Variants in DLG2 observed in about 807,000 individuals in gnomAD.
DLG2 encodes disks large homolog 2.
In DLG2, 45 loss-of-function variants were observed where a neutral mutation model predicts 132.5. The ratio of observed to expected loss-of-function variants is 0.34; its 90% CI spans 0.27 to 0.44. The LOEUF (loss-of-function observed/expected upper bound fraction) is 0.44, where lower values mean the gene tolerates loss of function less well. DLG2 is among the 20% of genes least tolerant of loss of function. DLG2 has a pLI of 1.00. For synonymous variants in DLG2, 424 were observed against 419.6 expected (o/e 1.01, Z -0.13); for missense variants, 1,045 against 1,196.9 (o/e 0.87, Z 1.87).
At chr11:83,827,051 GT>G (rs955411430) in intron 17 of DLG2, among the ~76,000 whole-genome samples, 2 of 152,034 alleles carry the variant, frequency 1.3e-5, no homozygotes, top group Admixed American at 6.5e-5. Flanking sequence ...GGAAAGCAAG[GT>G]TCCTTCATGG....
intron 18 of DLG2, among the ~76,000 whole-genome samples, chr11:83,734,575 C>T (rs1281497686): frequency 5.3e-5 from 8 of 152,056 alleles, no homozygotes; most frequent in South Asian, 2.1e-4. Context: ...CTCAGCCTCC[C>T]GAGTAGCTGG....
At chr11:84,274,293 C>A (rs1333547599) in intron 7 of DLG2, among the ~76,000 whole-genome samples, 1 of 152,096 alleles carries the variant, frequency 6.6e-6, no homozygotes, top group Non-Finnish European at 1.5e-5. Flanking sequence ...ATGCTCAGAG[C>A]ACTTGGAAGT....
At chr11:85,310,296 T>G (rs2080232874) in intron 3 of DLG2, among the ~76,000 whole-genome samples, 1 of 152,168 alleles carries the variant, frequency 6.6e-6, no homozygotes, top group African/African-American at 2.4e-5. Context: ...GACAAAATAT[T>G]GGTCAGGAAG....
At chr11:84,491,408 C>T (rs747002068) in intron 7 of DLG2, among the ~76,000 whole-genome samples, 6 of 152,188 alleles carry the variant, frequency 3.9e-5, no homozygotes, top group South Asian at 4.2e-4. Flanking sequence ...TGTGGGGCCT[C>T]GCCAGCCAGG....
rs529136075 is a variant in DLG2, at chr11:84,905,717, G to T, written c.357+205944C>A. On this transcript the variant is annotated intron_variant, in intron 6 of 27. Transcript: ENST00000376104. ...TGACTTCTATAATAATCCATTTCTTGTATTTTTTATAGTCTATTCCTGAAC... is the reference window on the plus strand; with the variant it reads ...TGACTTCTATAATAATCCATTTCTTTTATTTTTTATAGTCTATTCCTGAAC... Among the ~76,000 whole-genome samples, 6 of 152,184 alleles carry T rather than the reference G, an allele frequency of 3.9e-5. No homozygotes were observed. In the East Asian group the frequency reaches 1.2e-3, roughly 29 times the overall value.
At chr11:84,404,063 A>T (rs191249255) in intron 7 of DLG2, among the ~76,000 whole-genome samples, 34 of 152,122 alleles carry the variant, frequency 2.2e-4, no homozygotes, top group African/African-American at 7.5e-4. Context: ...CAAATTTCAA[A>T]TTGTATTATT....
chr11:83,692,504 G>C (rs2081164150), intron 18 of DLG2, among the ~76,000 whole-genome samples: 1 of 152,130 alleles, frequency 6.6e-6, no homozygotes, highest in Non-Finnish European at 1.5e-5. Context: ...AGGAAATGAG[G>C]AGTTGCTAAT....
At chr11:83,687,466 G>A (rs1431134493) in intron 18 of DLG2, among the ~76,000 whole-genome samples, 1 of 152,168 alleles carries the variant, frequency 6.6e-6, no homozygotes, top group African/African-American at 2.4e-5. Flanking sequence ...AGCAGACTGA[G>A]AAAAGGAAGT....
At chr11:83,925,997 T>C (rs1591172756) in intron 15 of DLG2, among the ~76,000 whole-genome samples, 3 of 152,290 alleles carry the variant, frequency 2.0e-5, no homozygotes, top group East Asian at 1.9e-4. Flanking sequence ...CTCTGCACAT[T>C]TCTTGCTTCT....
chr11:85,049,131 A>T (rs2062643019), intron 6 of DLG2, among the ~76,000 whole-genome samples: 1 of 152,058 alleles, frequency 6.6e-6, no homozygotes, highest in Non-Finnish European at 1.5e-5. Context: ...AATCTGCTGC[A>T]CATAAAAACT....
chr11:83,843,822 T>C (rs1178147450), intron 16 of DLG2, among the ~76,000 whole-genome samples: 1 of 152,114 alleles, frequency 6.6e-6, no homozygotes, highest in African/African-American at 2.4e-5. Context: ...TAAAGAAAAT[T>C]AAATATTGAG....
At chr11:83,848,389 C>T (rs567415834) in intron 16 of DLG2, among the ~76,000 whole-genome samples, 3 of 152,264 alleles carry the variant, frequency 2.0e-5, no homozygotes, top group South Asian at 2.1e-4. Context: ...TAATTCATAT[C>T]TCTAGCTCAG....
intron 11 of DLG2, among the ~76,000 whole-genome samples, chr11:84,006,906 A>G: frequency 6.6e-6 from 1 of 151,714 alleles, no homozygotes; most frequent in East Asian, 1.9e-4. Flanking sequence ...CACAAAACCA[A>G]ATTGTGAAAA....
rs185111022 is a variant in DLG2 at position 84,679,573 on chromosome 11, G to C, written c.358-144842C>G. ...CTTCAGGAAGAATCTCAAGAGTTAT[G>C]ATCAGGGATACAGGATTAGGAGATA... On this transcript the variant is annotated intron_variant, in intron 6 of 27. Transcript: ENST00000376104. 2.6e-3 allele frequency among the ~76,000 whole-genome samples: 391 copies of C among 152,156 alleles called. 2 individuals carry two copies. The highest frequency in any genetic ancestry group is 4.7e-3 in the Admixed American group (72 of 15,272).
chr11:85,185,535 G>C (rs1049896141), intron 4 of DLG2, among the ~76,000 whole-genome samples: 1 of 151,898 alleles, frequency 6.6e-6, no homozygotes, highest in African/African-American at 2.4e-5. Context: ...CTCATTGTGA[G>C]AGCAGGAAAG....
At chr11:83,549,912 A>G (rs145102334) in intron 19 of DLG2, among the ~76,000 whole-genome samples, 287 of 152,258 alleles carry the variant, frequency 1.9e-3, no homozygotes, top group African/African-American at 6.0e-3. Flanking sequence ...AGCTTCTATA[A>G]TAATTAATAG....
chr11:84,398,802 T>C (rs1458813354), intron 7 of DLG2, among the ~76,000 whole-genome samples: 1 of 152,200 alleles, frequency 6.6e-6, no homozygotes, highest in Non-Finnish European at 1.5e-5. Context: ...TGTTGTAACA[T>C]CAGTTGCAGT....
chr11:84,506,296 C>G (rs927273986), intron 7 of DLG2, among the ~76,000 whole-genome samples: 1 of 151,522 alleles, frequency 6.6e-6, no homozygotes, highest in Admixed American at 6.6e-5. Context: ...GGGATGGTCT[C>G]GATCTCCTGA....
At chr11:84,743,560 G>T (rs1013959365) in intron 6 of DLG2, among the ~76,000 whole-genome samples, 1 of 152,224 alleles carries the variant, frequency 6.6e-6, no homozygotes, top group Admixed American at 6.5e-5. Context: ...TTACACACTA[G>T]AGAAGACAAA....
Sources: gnomAD v4.1 joint callset for allele counts (sites outside exome capture counted in the v4.1 genomes callset) on GRCh38, gnomAD v4.1.1 for gene constraint, MANE v1.5 for transcripts, NCBI Gene and HGNC (gene_info 2026-07-23, HGNC 2026-07-21) for gene names.